ZCCHC17: variants seen among roughly 807,000 people sequenced by gnomAD.
ZCCHC17 encodes the protein zinc finger CCHC domain-containing protein 17.
ZCCHC17 carries 18 observed loss-of-function variants against 30.6 expected under a neutral mutation model. The observed-to-expected ratio is 0.59, with a 90% CI of 0.41 to 0.87. The LOEUF (loss-of-function observed/expected upper bound fraction) is 0.87, where lower values mean the gene tolerates loss of function less well. ZCCHC17 is among the 40% of genes least tolerant of loss of function. The probability of loss-of-function intolerance (pLI) is 0.00; values close to 1 mark genes in which losing one functional copy is unlikely to be tolerated. For synonymous variants in ZCCHC17, 88 were observed against 92.4 expected, an observed-to-expected ratio of 0.95 and a Z score of 0.27; for missense variants, 263 against 284.2, an observed-to-expected ratio of 0.93 and a Z score of 0.54.
chr1:31,355,017 A>C (rs149688633), intron 7 of ZCCHC17, among the ~76,000 whole-genome samples: 2,035 of 152,202 alleles, frequency 0.013, 47 homozygotes, highest in African/African-American at 0.046. Context: ...TCTACTAAAA[A>C]TACAGAAATT....
intron 2 of ZCCHC17, among the ~76,000 whole-genome samples, chr1:31,314,842 T>G (rs922481671): frequency 2.6e-5 from 4 of 152,148 alleles, no homozygotes; most frequent in African/African-American, 9.7e-5. Flanking sequence ...AATTTTTGTA[T>G]TTTTAGTAGA....
chr1:31,310,180 C>G lies in ZCCHC17; in HGVS notation c.66+16C>G. On this transcript the variant is annotated intron_variant, in intron 2 of 7. Transcript: ENST00000344147. ...CCAAGGAGAGGTATATTCTTTTGTG[C>G]TTTGAAAACCCACCATTTATGTTAA... 1 of 1,612,856 alleles carries G rather than the reference C, an allele frequency of 6.2e-7. No individual in the cohort carries two copies. Among genetic ancestry groups the G allele is most frequent in the Non-Finnish European group, 8.5e-7 (1 of 1,179,312 alleles).
chr1:31,311,169 C>T (rs944026841), intron 2 of ZCCHC17, among the ~76,000 whole-genome samples: 1 of 152,188 alleles, frequency 6.6e-6, no homozygotes, highest in African/African-American at 2.4e-5. Flanking sequence ...AAGTGATACT[C>T]CCACTTCAGC....
At chr1:31,330,482 G>C (rs4949386) in intron 3 of ZCCHC17, among the ~76,000 whole-genome samples, 149,699 of 152,264 alleles carry the variant, frequency 0.98, 73,636 homozygotes, top group East Asian at 1. Flanking sequence ...TGTAGCGTGG[G>C]AAGCAAAGCA....
chr1:31,340,403 C>T (rs937078455), intron 5 of ZCCHC17, among the ~76,000 whole-genome samples: 6 of 150,420 alleles, frequency 4.0e-5, no homozygotes, highest in South Asian at 2.1e-4. Context: ...CCGCAACCTC[C>T]GCCTCCCAGG....
chr1:31,303,747 C>T (rs1008199087), intron 1 of ZCCHC17, among the ~76,000 whole-genome samples: 6 of 152,182 alleles, frequency 3.9e-5, no homozygotes, highest in African/African-American at 1.4e-4. Flanking sequence ...AATACCCCAA[C>T]AGCCCTGAAA....
At chr1:31,302,380 A>AT (rs1048265050) in intron 1 of ZCCHC17, among the ~76,000 whole-genome samples, 2 of 147,858 alleles carry the variant, frequency 1.4e-5, no homozygotes, top group African/African-American at 2.5e-5. Context: ...CAGTTCACTC[A>AT]TTTAAAAAAA....
chr1:31,348,837 G>C lies in ZCCHC17; in HGVS notation c.427G>C (p.Ala143Pro), dbSNP rs1420826212. Residue 143 changes from alanine (A) to proline (P), a missense_variant, in exon 7 of 8, where the codon GCA becomes CCA. By Grantham distance (27) the Ala-to-Pro change is conservative (BLOSUM62 -1). Coordinates refer to ENST00000344147, the MANE Select transcript of ZCCHC17 (RefSeq NM_016505.4). ...CTACTTTTCTTCTGCAGGCCACTTT[G>C]CAAAAGATTGTTTCATGCAACCAGG... ...CKKCGCKGHFAKDCFMQPGGT... is the reference protein window; with the variant it reads ...CKKCGCKGHFPKDCFMQPGGT... 6.2e-7 allele frequency: 1 copy of C among 1,612,304 alleles called. No homozygotes were observed. The highest frequency in any genetic ancestry group is 1.3e-5 in the African/African-American group (1 of 74,844).
chr1:31,321,754 AC>A (rs1031652361), intron 3 of ZCCHC17, among the ~76,000 whole-genome samples: 5 of 152,354 alleles, frequency 3.3e-5, no homozygotes, highest in Non-Finnish European at 7.4e-5. Context: ...GGTGTGAGCC[AC>A]CACACCTGCC....
At chr1:31,300,214 C>T (rs1031977604) in intron 1 of ZCCHC17, among the ~76,000 whole-genome samples, 3 of 152,128 alleles carry the variant, frequency 2.0e-5, no homozygotes, top group Non-Finnish European at 4.4e-5. Context: ...TATGTGCCAC[C>T]ATGCCTGGCT....
intron 3 of ZCCHC17, among the ~76,000 whole-genome samples, chr1:31,326,432 A>C (rs1038599921): frequency 2.6e-5 from 4 of 152,192 alleles, no homozygotes; most frequent in African/African-American, 9.7e-5. Context: ...TCTGTAATTA[A>C]GTTTCTCATT....
chr1:31,361,960 C>T (rs1352922287), intron 7 of ZCCHC17, among the ~76,000 whole-genome samples: 2 of 152,022 alleles, frequency 1.3e-5, no homozygotes, highest in African/African-American at 2.4e-5. Flanking sequence ...TACAGGCCCG[C>T]GTAACCACAC....
Position 31,342,871 on chromosome 1 carries a change from C to T in ZCCHC17, c.318-3769C>T, listed in dbSNP as rs142986118. 7.2e-5 allele frequency among the ~76,000 whole-genome samples: 11 copies of T among 152,234 alleles called. No homozygotes were observed. In the East Asian group the frequency reaches 2.1e-3, roughly 29 times the overall value. On this transcript the variant is annotated intron_variant, in intron 5 of 7. Transcript: ENST00000344147. The stretch of plus-strand genomic sequence containing the variant: ...TTAGGTTTTGAAGAACAGATAAGAT[C>T]TTGTCAGACAGCAGGGGAAGGAATG...
chr1:31,363,434 C>G (rs552435233), intron 7 of ZCCHC17, among the ~76,000 whole-genome samples: 1 of 152,172 alleles, frequency 6.6e-6, no homozygotes, highest in Non-Finnish European at 1.5e-5. Flanking sequence ...CCACCTGCCT[C>G]GGCCTCCCAA....
In ZCCHC17 at chr1:31,297,925, G is replaced by T. The variant is rs1348796240; in HGVS notation, c.-56+850G>T. ...AGAGAATGAAGGGAGTATGGTACAA[G>T]ATGAAGCTGTACGTGATAGCGGTCA... On this transcript the variant is annotated intron_variant, in intron 1 of 7. Coordinates refer to ENST00000344147, the MANE Select transcript of ZCCHC17 (RefSeq NM_016505.4). 3.3e-5 allele frequency among the ~76,000 whole-genome samples: 5 copies of T among 152,236 alleles called. No individual in the cohort carries two copies. In the South Asian group the frequency reaches 8.3e-4, roughly 25 times the overall value.
chr1:31,308,989 CTG>C (rs1646533738), intron 1 of ZCCHC17, among the ~76,000 whole-genome samples: 4 of 152,042 alleles, frequency 2.6e-5, no homozygotes, highest in Admixed American at 2.6e-4. Flanking sequence ...TATAAAAAAA[CTG>C]TAAGAATATA....
chr1:31,359,268 C>A (rs1639771041), intron 7 of ZCCHC17, among the ~76,000 whole-genome samples: 1 of 152,070 alleles, frequency 6.6e-6, no homozygotes, highest in African/African-American at 2.4e-5. Flanking sequence ...GTAATCCCAG[C>A]ACTTTGGGAG....
intron 3 of ZCCHC17, among the ~76,000 whole-genome samples, chr1:31,324,860 G>C (rs1403118299): frequency 6.6e-6 from 1 of 152,218 alleles, no homozygotes; most frequent in African/African-American, 2.4e-5. Flanking sequence ...GAAAGGGGCA[G>C]GTCTCGGTGA....
At chr1:31,316,103 A>G (rs1293942217) in intron 2 of ZCCHC17, among the ~76,000 whole-genome samples, 2 of 151,958 alleles carry the variant, frequency 1.3e-5, no homozygotes, top group African/African-American at 4.8e-5. Flanking sequence ...TTATTTATTC[A>G]CTTATTTATT....
Sources: gnomAD v4.1 joint callset for allele counts (sites outside exome capture counted in the v4.1 genomes callset) on GRCh38, gnomAD v4.1.1 for gene constraint, MANE v1.5 for transcripts, NCBI Gene and HGNC (gene_info 2026-07-23, HGNC 2026-07-21) for gene names.